Variants in TAS1R1 observed in about 807,000 individuals in gnomAD.
TAS1R1 encodes taste 1 receptor member 1, also known as taste receptor type 1 member 1.
Under a neutral mutation model 45.8 loss-of-function variants are expected in TAS1R1, and 31 were observed. The observed-to-expected ratio is 0.68, with a 90% confidence interval of 0.51 to 0.91. The LOEUF (loss-of-function observed/expected upper bound fraction) is 0.91, where lower values mean the gene tolerates loss of function less well. Ranked by LOEUF, TAS1R1 falls within the 40% of genes least tolerant of loss-of-function variation. The probability of loss-of-function intolerance (pLI) is 0.00; values close to 1 mark genes in which losing one functional copy is unlikely to be tolerated. For missense variants in TAS1R1, 1,051 were observed against 1,063.9 expected (o/e 0.99, Z 0.17); for synonymous variants, 437 against 448.4 (o/e 0.97, Z 0.32).
chr1:6,574,537 T>G lies in TAS1R1; in HGVS notation c.499-94T>G. 11 of 1,447,840 alleles carry G rather than the reference T, an allele frequency of 7.6e-6. No individual in the cohort carries two copies. The South Asian group carries it at 1.4e-4, about 18-fold the overall frequency. The allele number at this position is 1,447,840 out of a possible 1,614,324, so 89.7% of individuals were successfully genotyped here. ...CAGGCTGAGGGGTGCTCTCCTGGTC[T>G]CCCCGGCTCCCTGTATCCCCACACC... On this transcript the variant is annotated intron_variant, in intron 2 of 5. Transcript: ENST00000333172. This position sits in a 1 kb window ranked among gnomAD's most constrained non-coding sequence, Gnocchi z 4.3.
intron 1 of TAS1R1, among the ~76,000 whole-genome samples, chr1:6,560,683 C>T (rs1396135056): frequency 1.3e-5 from 2 of 152,120 alleles, no homozygotes; most frequent in African/African-American, 4.8e-5. Flanking sequence ...CTGCTTCTAG[C>T]TAAAGAGGGG....
chr1:6,571,299 C>T (rs1640009998), intron 2 of TAS1R1, 84 bp downstream of exon 2: 8 of 1,228,176 alleles, frequency 6.5e-6, no homozygotes, highest in Non-Finnish European at 8.9e-6. Flanking sequence ...CTGTCCCCCC[C>T]AAGGCTGCCT....
intron 1 of TAS1R1, among the ~76,000 whole-genome samples, chr1:6,555,792 T>C (rs1238926719): frequency 6.6e-6 from 1 of 151,952 alleles, no homozygotes; most frequent in Non-Finnish European, 1.5e-5. Context: ...TATTGTAACT[T>C]CATTGAAATT....
chr1:6,567,240 G>T (rs894372023), intron 1 of TAS1R1, among the ~76,000 whole-genome samples: 1 of 152,140 alleles, frequency 6.6e-6, no homozygotes, highest in Non-Finnish European at 1.5e-5. Context: ...AGGCAAGGCC[G>T]AGTAGGTGGC....
intron 5 of TAS1R1, 94 bp from the exon 6 acceptor site, chr1:6,578,559 C>G: frequency 1.3e-6 from 2 of 1,506,890 alleles, no homozygotes; most frequent in East Asian, 2.3e-5. Context: ...TCTAGCTGCC[C>G]TGGTACAATT....
intron 1 of TAS1R1, among the ~76,000 whole-genome samples, chr1:6,556,232 A>G (rs570172377): frequency 2.0e-5 from 3 of 152,254 alleles, no homozygotes; most frequent in East Asian, 3.9e-4. Context: ...CTAGAGTCCC[A>G]GATGACAAGT....
intron 1 of TAS1R1, among the ~76,000 whole-genome samples, chr1:6,563,118 A>G (rs966610045): frequency 6.6e-6 from 1 of 152,238 alleles, no homozygotes; most frequent in African/African-American, 2.4e-5. Context: ...TATGTCTGCC[A>G]TTACAAAATC....
chr1:6,561,594 G>T (rs1639789503), intron 1 of TAS1R1, among the ~76,000 whole-genome samples: 1 of 151,918 alleles, frequency 6.6e-6, no homozygotes, highest in African/African-American at 2.4e-5. Flanking sequence ...CGGTGCCTGT[G>T]GTCCCAGCTA....
intron 5 of TAS1R1, 141 bp downstream of exon 5, chr1:6,577,211 G>A (rs918623636): frequency 1.6e-6 from 2 of 1,276,290 alleles, no homozygotes; most frequent in South Asian, 1.5e-5. Flanking sequence ...CAGGTTGGAG[G>A]ACACCTGCTA....
intron 1 of TAS1R1, among the ~76,000 whole-genome samples, chr1:6,568,786 C>T (rs1639935013): frequency 6.6e-6 from 1 of 152,126 alleles, no homozygotes; most frequent in Non-Finnish European, 1.5e-5. Flanking sequence ...TGTGCCTGTG[C>T]TGCAAGCCAC....
At chr1:6,577,135 C>A in intron 5 of TAS1R1, 65 bp downstream of exon 5, 1 of 1,600,954 alleles carries the variant, frequency 6.2e-7, no homozygotes, top group Non-Finnish European at 8.5e-7. Flanking sequence ...GGAGGGAGGG[C>A]CTCCCTTGGG....
intron 1 of TAS1R1, among the ~76,000 whole-genome samples, chr1:6,562,961 G>A (rs867237165): frequency 6.6e-6 from 1 of 152,194 alleles, no homozygotes; most frequent in Non-Finnish European, 1.5e-5. Context: ...GAGGCTCCTC[G>A]TGTTTTATTC....
chr1:6,571,067 G>C lies in TAS1R1; in HGVS notation c.350G>C (p.Arg117Thr), dbSNP rs1242357125. 1 of 1,614,180 alleles carries C rather than the reference G, an allele frequency of 6.2e-7. No homozygotes were observed. The change falls in exon 2 of 6, where the codon AGA becomes ACA. Residue 117 changes from arginine (R) to threonine (T), a missense_variant. By Grantham distance (71) the Arg-to-Thr change is moderately conservative. Coordinates refer to ENST00000333172, the MANE Select transcript of TAS1R1 (RefSeq NM_138697.4). ...SDSANVYATL[R>T]VLSLPGQHHI... ...TCTGCCAATGTGTATGCCACGCTGA[G>C]AGTGCTCTCCCTGCCAGGGCAACAC... is the stretch of plus-strand genomic sequence containing the variant.
chr1:6,576,088 C>G (rs1018658442), intron 3 of TAS1R1, among the ~76,000 whole-genome samples: 2 of 152,246 alleles, frequency 1.3e-5, no homozygotes, highest in Admixed American at 1.3e-4. Flanking sequence ...CTTCGGCCTC[C>G]CAAAGTGCTG....
rs955741854 is a variant in TAS1R1, at chr1:6,577,126, G to A, written c.1594+56G>A. 4 of 1,606,932 alleles carry A rather than the reference G, an allele frequency of 2.5e-6. No individual in the cohort carries two copies. In the African/African-American group the frequency reaches 4.0e-5, roughly 16 times the overall value. On this transcript the variant is annotated intron_variant, in intron 5 of 5. Coordinates refer to ENST00000333172, the MANE Select transcript of TAS1R1 (RefSeq NM_138697.4). ...CAGCACTCCCGGGGGCTGCACGGTG[G>A]AGGGAGGGCCTCCCTTGGGCCCCAT... is the stretch of plus-strand genomic sequence containing the variant.
chr1:6,570,917 G>C lies in TAS1R1; in HGVS notation c.200G>C (p.Ser67Thr), dbSNP rs1472495880. The C allele has an allele frequency of 1.8e-5, 29 of 1,599,578 alleles. No homozygotes were observed. Among genetic ancestry groups the C allele is most frequent in the Non-Finnish European group, 2.3e-5 (27 of 1,172,906 alleles). ...PEVTLCDRSC[S>T]FNEHGYHLFQ... ...ACTGGCTTTCTCCACAGGTCTTGTA[G>C]CTTCAATGAGCATGGCTACCACCTC... is the stretch of plus-strand genomic sequence containing the variant. Residue 67 changes from serine to threonine, a missense_variant, in exon 2 of 6, where the codon AGC (serine) becomes ACC (threonine). Coordinates refer to ENST00000333172, the MANE Select transcript of TAS1R1 (RefSeq NM_138697.4).
rs745518496 is a variant in TAS1R1 at position 6,578,926 on chromosome 1, T to C, written c.1868T>C (p.Phe623Ser). ...GGTAGTGGCAGCCTCTATGGCTTCTTTGGGGAACCCACAAGGCCTGCGTGC... is the reference window on the plus strand; with the variant it reads ...GGTAGTGGCAGCCTCTATGGCTTCTCTGGGGAACCCACAAGGCCTGCGTGC... ...AAGSGSLYGFFGEPTRPACLL... is the reference protein window; with the variant it reads ...AAGSGSLYGFSGEPTRPACLL... Residue 623 changes from phenylalanine (F) to serine (S), a missense_variant, in exon 6 of 6, where the codon TTT (phenylalanine) becomes TCT (serine). Physicochemically the swap from Phe to Ser is radical, Grantham distance 155. Coordinates refer to ENST00000333172, the MANE Select transcript of TAS1R1 (RefSeq NM_138697.4). The C allele has an allele frequency of 6.2e-6, 10 of 1,613,534 alleles. No individual in the cohort carries two copies. Among genetic ancestry groups the C allele is most frequent in the Non-Finnish European group, 8.5e-6 (10 of 1,179,720 alleles).
chr1:6,568,901 A>G (rs1639936895), intron 1 of TAS1R1, among the ~76,000 whole-genome samples: 1 of 152,232 alleles, frequency 6.6e-6, no homozygotes, highest in African/African-American at 2.4e-5. Context: ...CTTTGATATA[A>G]GTATCGGGAT....
intron 5 of TAS1R1, among the ~76,000 whole-genome samples, chr1:6,577,367 C>G (rs1178547745): frequency 5.3e-5 from 8 of 151,322 alleles, no homozygotes. Flanking sequence ...AACCCCATCT[C>G]TACCAAAAAT....
Sources: gnomAD v4.1 joint callset for allele counts (sites outside exome capture counted in the v4.1 genomes callset) on GRCh38, gnomAD v4.1.1 for gene constraint, Gnocchi (gnomAD v3.1) non-coding constraint, MANE v1.5 for transcripts, NCBI Gene and HGNC (gene_info 2026-07-23, HGNC 2026-07-21) for gene names.